RP1: variants seen among roughly 807,000 people sequenced by gnomAD.
The protein encoded by RP1 is oxygen-regulated protein 1.
A neutral mutation model predicts 14.8 loss-of-function variants in RP1; 16 were observed. The observed-to-expected ratio is 1.08, with a 90% CI of 0.73 to 1.65. The LOEUF (loss-of-function observed/expected upper bound fraction) is 1.65, where lower values mean the gene tolerates loss of function less well. Among genes scored for constraint, RP1 ranks in the 40% most tolerant of loss-of-function variants. The pLI, the probability that RP1 is intolerant of heterozygous loss-of-function variation, is 0.00. For synonymous variants in RP1, 876 were observed against 883.6 expected (o/e 0.99, Z 0.15); for missense variants, 2,631 against 2,535.0 (o/e 1.04, Z -0.81).
intron 25 of RP1, among the ~76,000 whole-genome samples, chr8:54,849,946 T>C (rs1389907348): frequency 1.3e-5 from 2 of 152,176 alleles, no homozygotes; most frequent in Admixed American, 6.5e-5. Context: ...TAGCTATCAA[T>C]TGAATTGGGT....
intron 1 of RP1, among the ~76,000 whole-genome samples, chr8:54,584,599 G>T (rs1232685539): frequency 6.6e-6 from 1 of 152,040 alleles, no homozygotes; most frequent in East Asian, 1.9e-4. Flanking sequence ...TTGACAGTGG[G>T]GTGTTAAAGT....
intron 15 of RP1, among the ~76,000 whole-genome samples, chr8:54,707,530 A>T (rs1158781183): frequency 6.6e-6 from 1 of 152,196 alleles, no homozygotes; most frequent in Admixed American, 6.6e-5. Flanking sequence ...AACAAGTAAG[A>T]TTGCACATTT....
At chr8:54,567,154 G>T (rs1804426823) in intron 1 of RP1, among the ~76,000 whole-genome samples, 1 of 152,164 alleles carries the variant, frequency 6.6e-6, no homozygotes, top group Middle Eastern at 3.2e-3. Flanking sequence ...CTTGTCCAAA[G>T]AAAACTTTTA....
At chr8:54,742,688 A>T (rs773815721) in intron 19 of RP1, among the ~76,000 whole-genome samples, 1 of 152,226 alleles carries the variant, frequency 6.6e-6, no homozygotes, top group African/African-American at 2.4e-5. Flanking sequence ...AAACCATGGA[A>T]CCTGCAAAGT....
At chr8:54,568,185 T>C (rs185649811) in intron 1 of RP1, among the ~76,000 whole-genome samples, 1 of 152,156 alleles carries the variant, frequency 6.6e-6, no homozygotes, top group South Asian at 2.1e-4. Context: ...TGAGTCTTGC[T>C]GAAGGTACCA....
At chr8:54,672,032 C>A (rs1563343610) in intron 7 of RP1, among the ~76,000 whole-genome samples, 2 of 152,116 alleles carry the variant, frequency 1.3e-5, no homozygotes, top group African/African-American at 4.8e-5. Context: ...CCTTTTCTGA[C>A]AATGTGTCTT....
chr8:54,858,586 G>A (rs1267418160), intron 27 of RP1, among the ~76,000 whole-genome samples: 2 of 151,400 alleles, frequency 1.3e-5, no homozygotes, highest in African/African-American at 4.9e-5. Context: ...AGCAGTGTCT[G>A]TAGGCTGGTA....
chr8:54,584,805 T>G (rs917909379), intron 1 of RP1, among the ~76,000 whole-genome samples: 1 of 152,196 alleles, frequency 6.6e-6, no homozygotes, highest in African/African-American at 2.4e-5. Context: ...CTGTTTTATC[T>G]GAGACTAAGA....
At chr8:54,670,089 A>G (rs920853593) in intron 7 of RP1, among the ~76,000 whole-genome samples, 5 of 152,260 alleles carry the variant, frequency 3.3e-5, no homozygotes, top group African/African-American at 9.6e-5. Flanking sequence ...TTCCACATAT[A>G]TGTGAATATT....
intron 3 of RP1, among the ~76,000 whole-genome samples, chr8:54,646,916 T>C (rs996220360): frequency 2.6e-5 from 4 of 152,196 alleles, no homozygotes; most frequent in Non-Finnish European, 5.9e-5. Flanking sequence ...CTACAGAGCA[T>C]AGCTAGAATT....
chr8:54,702,905 A>T (rs895148947), intron 14 of RP1, among the ~76,000 whole-genome samples: 1 of 152,204 alleles, frequency 6.6e-6, no homozygotes, highest in Non-Finnish European at 1.5e-5. Context: ...CATCCATAAG[A>T]AGTAATCTTT....
At position 54,627,658 on chromosome 8, in the gene RP1, G is replaced by A. The variant is rs751597389; in HGVS notation, c.3776G>A (p.Cys1259Tyr). The A allele has an allele frequency of 2.5e-6, 4 of 1,614,198 alleles. No individual in the cohort carries two copies. The South Asian group carries it at 4.4e-5, about 18-fold the overall frequency. ...VCVLEVTCSP[C>Y]EMCTVNKAYS... ...GTTTTGGAAGTGACTTGCTCTCCAT[G>A]TGAGATGTGCACTGTAAATAAGGCT... is the stretch of plus-strand genomic sequence containing the variant. The change falls in exon 4 of 4, where the codon TGT (cysteine) becomes TAT (tyrosine). Residue 1259 changes from cysteine to tyrosine, a missense_variant. Transcript: ENST00000220676.
At chr8:54,832,157 A>G (rs984505228) in intron 24 of RP1, among the ~76,000 whole-genome samples, 1 of 151,746 alleles carries the variant, frequency 6.6e-6, no homozygotes, top group African/African-American at 2.4e-5. Context: ...GAGATTCACT[A>G]TGATTGCTTT....
At chr8:54,701,464 G>GT (rs1237724996) in intron 13 of RP1, 10 of 1,491,136 alleles carry the variant, frequency 6.7e-6, no homozygotes, top group Admixed American at 2.5e-5. Flanking sequence ...AATTTAGAGG[G>GT]TTTTTTTGTT....
Position 54,606,233 on chromosome 8 carries a change from G to A in RP1, c.-12-14722G>A, listed in dbSNP as rs183040783. 2.0e-5 allele frequency among the ~76,000 whole-genome samples: 3 copies of A among 152,284 alleles called. No individual in the cohort carries two copies. In the East Asian group the frequency reaches 5.8e-4, roughly 29 times the overall value. On this transcript the variant is annotated intron_variant, in intron 1 of 22. Transcript: ENST00000636932. Reference sequence around the variant, plus strand: ...TCCTTCAGGAGCTCTTTTAGGGCAGGCCTGGTGGTGACAAAATCTCTCAGC... The same window carrying A: ...TCCTTCAGGAGCTCTTTTAGGGCAGACCTGGTGGTGACAAAATCTCTCAGC...
intron 1 of RP1, among the ~76,000 whole-genome samples, chr8:54,600,222 T>C (rs1393705641): frequency 6.6e-6 from 1 of 152,222 alleles, no homozygotes; most frequent in Non-Finnish European, 1.5e-5. Flanking sequence ...GGAGTTTCCC[T>C]GCATAAGCTC....
At chr8:54,801,713 A>T in intron 24 of RP1, among the ~76,000 whole-genome samples, 1 of 151,926 alleles carries the variant, frequency 6.6e-6, no homozygotes, top group East Asian at 1.9e-4. Context: ...TGCTTCCCAT[A>T]TCCAGCCTTT....
At chr8:54,613,703 A>C (rs1480314657), upstream of RP1, among the ~76,000 whole-genome samples, 1 of 152,182 alleles carries the variant, frequency 6.6e-6, no homozygotes, top group Non-Finnish European at 1.5e-5. Context: ...GTGTGGAAGG[A>C]AGGGACAGAA....
intron 24 of RP1, among the ~76,000 whole-genome samples, chr8:54,803,404 C>G (rs1810762268): frequency 6.6e-6 from 1 of 152,106 alleles, no homozygotes; most frequent in Non-Finnish European, 1.5e-5. Context: ...TGACCTATCT[C>G]CTGAAGAACA....
Sources: allele counts gnomAD v4.1 joint callset (sites outside exome capture counted in the v4.1 genomes callset), GRCh38; gene constraint gnomAD v4.1.1; transcripts MANE v1.5; gene names NCBI Gene and HGNC (gene_info 2026-07-23, HGNC 2026-07-21).